The following ARHGAP10 variants were observed in gnomAD, a reference collection of about 807,000 sequenced individuals.
The protein encoded by ARHGAP10 is rho GTPase-activating protein 10.
Under a neutral mutation model 108.6 loss-of-function variants are expected in ARHGAP10, and 87 were observed. That is an observed-to-expected ratio of 0.80 (90% CI 0.67 to 0.96). The LOEUF is 0.96. Among genes scored for constraint, ARHGAP10 ranks in the 40% least tolerant of loss-of-function variants. ARHGAP10 has a pLI of 0.00. For missense variants in ARHGAP10, 939 were observed against 954.5 expected, an observed-to-expected ratio of 0.98 and a Z score of 0.21; for synonymous variants, 347 against 341.1, an observed-to-expected ratio of 1.02 and a Z score of -0.19.
At chr4:147,787,147 T>G (rs988600442) in intron 1 of ARHGAP10, among the ~76,000 whole-genome samples, 3 of 152,200 alleles carry the variant, frequency 2.0e-5, no homozygotes, top group Non-Finnish European at 2.9e-5. Flanking sequence ...AGATCAGGGT[T>G]GTCACATAAT....
intron 6 of ARHGAP10, chr4:147,866,195 A>G: frequency 6.6e-6 from 1 of 152,600 alleles, no homozygotes; most frequent in Admixed American, 6.5e-5. Context: ...ACAGCCCTCT[A>G]ATTCAGAGAC....
chr4:147,974,697 C>G (rs1739527920), intron 18 of ARHGAP10, among the ~76,000 whole-genome samples: 1 of 152,064 alleles, frequency 6.6e-6, no homozygotes, highest in Non-Finnish European at 1.5e-5. Flanking sequence ...TTTCCTAGTA[C>G]TAGCCTGTAT....
intron 15 of ARHGAP10, among the ~76,000 whole-genome samples, chr4:147,951,824 A>G (rs1460436236): frequency 6.6e-6 from 1 of 152,104 alleles, no homozygotes; most frequent in African/African-American, 2.4e-5. Context: ...ATATATTTAT[A>G]GTGTAAGTTT....
chr4:147,777,295 G>T (rs1299496603), intron 1 of ARHGAP10, among the ~76,000 whole-genome samples: 1 of 148,756 alleles, frequency 6.7e-6, no homozygotes, highest in Non-Finnish European at 1.5e-5. Flanking sequence ...GTCTCACTCT[G>T]TCACCCAGGC....
chr4:147,855,905 A>C (rs1315993884), intron 4 of ARHGAP10, among the ~76,000 whole-genome samples: 1 of 152,196 alleles, frequency 6.6e-6, no homozygotes, highest in Non-Finnish European at 1.5e-5. Flanking sequence ...AGAAGTAGAG[A>C]ATTAACATGC....
At chr4:147,994,160 C>A (rs779832957) in intron 18 of ARHGAP10, among the ~76,000 whole-genome samples, 12 of 152,074 alleles carry the variant, frequency 7.9e-5, no homozygotes, top group Non-Finnish European at 1.5e-4. Context: ...GTATTTTTTT[C>A]CTTTTGAGCT....
At chr4:147,907,678 A>G (rs895618621) in intron 11 of ARHGAP10, among the ~76,000 whole-genome samples, 3 of 152,200 alleles carry the variant, frequency 2.0e-5, no homozygotes, top group Non-Finnish European at 4.4e-5. Flanking sequence ...GCATGTGGCA[A>G]TCTTGAAGTA....
Position 148,043,767 on chromosome 4 carries a change from T to A in ARHGAP10, c.1868-3125T>A, listed in dbSNP as rs867866239. ...ATATGTATATATGTATATATATGTG[T>A]ATATATATGTATATATATATGTATA... On this transcript the variant is annotated intron_variant, in intron 19 of 22. Coordinates refer to ENST00000336498, the MANE Select transcript of ARHGAP10 (RefSeq NM_024605.4). Among the ~76,000 whole-genome samples the A allele has an allele frequency of 2.0e-3, 289 of 145,154 alleles. 3 individuals carry two copies. The highest frequency in any genetic ancestry group is 6.8e-3 in the African/African-American group (268 of 39,434).
chr4:147,894,346 T>A (rs1452047481), intron 10 of ARHGAP10, among the ~76,000 whole-genome samples: 2 of 152,222 alleles, frequency 1.3e-5, no homozygotes, highest in Admixed American at 6.5e-5. Context: ...TTATTGGCCA[T>A]TTATGTTTCT....
At chr4:148,024,210 A>C (rs1237466528) in intron 19 of ARHGAP10, among the ~76,000 whole-genome samples, 1 of 152,228 alleles carries the variant, frequency 6.6e-6, no homozygotes, top group African/African-American at 2.4e-5. Context: ...TGCAGCCTGA[A>C]GCTGTGACTC....
At chr4:147,802,499 T>C (rs972516572) in intron 1 of ARHGAP10, among the ~76,000 whole-genome samples, 3 of 152,260 alleles carry the variant, frequency 2.0e-5, no homozygotes, top group Admixed American at 6.5e-5. Flanking sequence ...ACTGTTAGCA[T>C]TGGGCAGGGC....
chr4:147,870,016 G>T lies in ARHGAP10; in HGVS notation c.702+3200G>T, dbSNP rs866442754. On this transcript the variant is annotated intron_variant, in intron 7 of 22. Coordinates refer to ENST00000336498, the MANE Select transcript of ARHGAP10 (RefSeq NM_024605.4). ...TCCCAGTTTGTGTGTGTGTGTGTGT[G>T]TGTGTGTGTGTGTGTGTGTGTGTGT... is the stretch of plus-strand genomic sequence containing the variant. Among the ~76,000 whole-genome samples the T allele has an allele frequency of 2.2e-4, 33 of 150,896 alleles. 1 individual carries two copies. The highest frequency in any genetic ancestry group is 6.3e-4 in the South Asian group (3 of 4,738).
At chr4:147,991,817 A>G (rs182571205) in intron 18 of ARHGAP10, among the ~76,000 whole-genome samples, 4 of 152,312 alleles carry the variant, frequency 2.6e-5, no homozygotes, top group Admixed American at 2.0e-4. Flanking sequence ...CTGCACGCTG[A>G]GTACCTTTTA....
chr4:147,793,136 T>C (rs1731182341), intron 1 of ARHGAP10, among the ~76,000 whole-genome samples: 1 of 151,644 alleles, frequency 6.6e-6, no homozygotes, highest in Non-Finnish European at 1.5e-5. Context: ...TGAGACTCTC[T>C]GGAAAAAAAG....
At chr4:147,941,261 C>G (rs1427542242) in intron 14 of ARHGAP10, among the ~76,000 whole-genome samples, 1 of 152,070 alleles carries the variant, frequency 6.6e-6, no homozygotes, top group African/African-American at 2.4e-5. Context: ...TCATCTTGTT[C>G]CTGTTCAAGG....
intron 4 of ARHGAP10, chr4:147,854,988 C>A: frequency 4.6e-6 from 2 of 434,070 alleles, no homozygotes; most frequent in Non-Finnish European, 6.1e-6. Flanking sequence ...GTTTTGACCG[C>A]TGATTAAAGC....
intron 18 of ARHGAP10, among the ~76,000 whole-genome samples, chr4:147,976,995 G>A (rs78337743): frequency 6.6e-6 from 1 of 152,276 alleles, no homozygotes; most frequent in East Asian, 1.9e-4. Context: ...TTATAATAAT[G>A]AGAACATGTT....
intron 3 of ARHGAP10, among the ~76,000 whole-genome samples, chr4:147,829,740 C>A (rs1424882133): frequency 6.6e-6 from 1 of 152,190 alleles, no homozygotes; most frequent in African/African-American, 2.4e-5. Context: ...AATCTAAGGA[C>A]TTTTAAAATA....
intron 13 of ARHGAP10, among the ~76,000 whole-genome samples, chr4:147,938,138 A>G (rs1738025930): frequency 6.6e-6 from 1 of 152,144 alleles, no homozygotes; most frequent in African/African-American, 2.4e-5. Context: ...GCATGTTCTC[A>G]CTTATAAGTG....
Sources: gnomAD v4.1 joint callset for allele counts (sites outside exome capture counted in the v4.1 genomes callset) on GRCh38, gnomAD v4.1.1 for gene constraint, MANE v1.5 for transcripts, NCBI Gene and HGNC (gene_info 2026-07-23, HGNC 2026-07-21) for gene names.